Variants in CPNE4 observed in about 807,000 individuals in gnomAD.
CPNE4 encodes copine 4, also known as copine-4.
CPNE4 carries 25 observed loss-of-function variants against 67.9 expected under a neutral mutation model. The observed-to-expected ratio is 0.37, with a 90% CI of 0.27 to 0.51. The LOEUF is 0.51. CPNE4 is among the 20% of genes least tolerant of loss of function. The pLI, the probability that CPNE4 is intolerant of heterozygous loss-of-function variation, is 0.93. For missense variants in CPNE4, 464 were observed against 690.8 expected (o/e 0.67, Z 3.68); for synonymous variants, 242 against 244.9 (o/e 0.99, Z 0.11).
intron 7 of CPNE4, among the ~76,000 whole-genome samples, chr3:131,598,846 C>CCT (rs1939042923): frequency 7.1e-6 from 1 of 141,568 alleles, no homozygotes; most frequent in Non-Finnish European, 1.5e-5. Flanking sequence ...AAATTGTCCC[C>CCT]CCACCCCCCC....
intron 2 of CPNE4, among the ~76,000 whole-genome samples, chr3:131,816,026 T>C (rs2084725900): frequency 6.6e-6 from 1 of 152,206 alleles, no homozygotes. Flanking sequence ...TAGCTTGGCC[T>C]ATGTGCAGGG....
intron 7 of CPNE4, among the ~76,000 whole-genome samples, chr3:131,666,263 A>C (rs1274176489): frequency 6.6e-6 from 1 of 152,140 alleles, no homozygotes; most frequent in Non-Finnish European, 1.5e-5. Context: ...TATAATTATA[A>C]GGCAAAATTA....
intron 1 of CPNE4, among the ~76,000 whole-genome samples, chr3:132,002,741 C>A (rs1206886523): frequency 6.6e-6 from 1 of 152,084 alleles, no homozygotes; most frequent in Non-Finnish European, 1.5e-5. Flanking sequence ...TGAGTCAATT[C>A]TTTTAAGAGT....
At chr3:131,542,312 T>TACA (rs1284972353) in intron 15 of CPNE4, among the ~76,000 whole-genome samples, 1 of 152,140 alleles carries the variant, frequency 6.6e-6, no homozygotes, top group Non-Finnish European at 1.5e-5. Flanking sequence ...GCTCCTGATC[T>TACA]GTAACTCAAT....
chr3:131,734,594 A>G (rs983561131), intron 2 of CPNE4, among the ~76,000 whole-genome samples: 1 of 152,152 alleles, frequency 6.6e-6, no homozygotes, highest in Non-Finnish European at 1.5e-5. Flanking sequence ...AGATATTAAA[A>G]TGACACTCTC....
At chr3:131,555,002 G>C (rs568248184) in intron 12 of CPNE4, among the ~76,000 whole-genome samples, 1 of 152,180 alleles carries the variant, frequency 6.6e-6, no homozygotes, top group South Asian at 2.1e-4. Context: ...GTCTTCAGAA[G>C]AACATTTCAG....
In CPNE4 at chr3:131,820,207, C is replaced by G. The variant is rs147476995; in HGVS notation, c.180+85057G>C. Among the ~76,000 whole-genome samples the G allele has an allele frequency of 9.8e-4, 149 of 152,256 alleles. 1 individual carries two copies. Among genetic ancestry groups the G allele is most frequent in the Middle Eastern group, 6.8e-3 (2 of 294 alleles). ...ATTCAGGATATTTATTGAGGAATGC[C>G]CTTCGGACTAACATCTGTGGGAGGA... is the stretch of plus-strand genomic sequence containing the variant. On this transcript the variant is annotated intron_variant, in intron 2 of 15. Coordinates refer to ENST00000429747, the MANE Select transcript of CPNE4 (RefSeq NM_130808.3).
At chr3:131,778,179 C>T (rs931882982) in intron 2 of CPNE4, among the ~76,000 whole-genome samples, 2 of 152,096 alleles carry the variant, frequency 1.3e-5, no homozygotes, top group African/African-American at 4.8e-5. Flanking sequence ...ATTGGAACTC[C>T]TTGCATTGCC....
At chr3:131,638,247 C>T (rs1469832085) in intron 7 of CPNE4, among the ~76,000 whole-genome samples, 1 of 151,938 alleles carries the variant, frequency 6.6e-6, no homozygotes, top group Non-Finnish European at 1.5e-5. Flanking sequence ...ATACAGAATG[C>T]CGGAATGGAT....
chr3:131,909,610 GCAAC>G (rs2088901264), intron 1 of CPNE4, among the ~76,000 whole-genome samples: 1 of 151,960 alleles, frequency 6.6e-6, no homozygotes, highest in Non-Finnish European at 1.5e-5. Context: ...AATAATGTAG[GCAAC>G]CAAACACCAC....
rs188689850 is a variant in CPNE4 at position 131,894,415 on chromosome 3, T to A, written c.180+10849A>T. Among the ~76,000 whole-genome samples the A allele has an allele frequency of 4.7e-3, 710 of 152,018 alleles. 8 individuals are homozygous for A. Among genetic ancestry groups the A allele is most frequent in the Non-Finnish European group, 5.7e-3 (388 of 67,898 alleles). ...AAAGCTTTTGCACAGCAAAGGAAACTTTTAACAGAGTAAAGAGACAACTTA... is the reference window on the plus strand; with the variant it reads ...AAAGCTTTTGCACAGCAAAGGAAACATTTAACAGAGTAAAGAGACAACTTA... On this transcript the variant is annotated intron_variant, in intron 2 of 15. Transcript: ENST00000429747.
intron 1 of CPNE4, among the ~76,000 whole-genome samples, chr3:131,953,663 A>T (rs1200526999): frequency 6.6e-6 from 1 of 152,206 alleles, no homozygotes; most frequent in Non-Finnish European, 1.5e-5. Flanking sequence ...AGAATGACAA[A>T]TATCACATGT....
At chr3:131,560,007 A>G (rs771548607) in intron 11 of CPNE4, among the ~76,000 whole-genome samples, 3 of 152,138 alleles carry the variant, frequency 2.0e-5, no homozygotes, top group Admixed American at 1.3e-4. Flanking sequence ...TTTTAAAAGT[A>G]CATGAGCAAA....
chr3:131,618,071 G>T (rs1483577991), intron 7 of CPNE4, among the ~76,000 whole-genome samples: 1 of 152,144 alleles, frequency 6.6e-6, no homozygotes, highest in Non-Finnish European at 1.5e-5. Context: ...TGAGCTCAGG[G>T]TATGGGAGAC....
At chr3:131,776,472 T>G (rs1213090713) in intron 2 of CPNE4, among the ~76,000 whole-genome samples, 3 of 152,130 alleles carry the variant, frequency 2.0e-5, no homozygotes, top group Non-Finnish European at 4.4e-5. Flanking sequence ...GATGGCATCT[T>G]TGTTGAACAT....
chr3:131,974,840 T>C (rs60660910), intron 1 of CPNE4, among the ~76,000 whole-genome samples: 1 of 152,198 alleles, frequency 6.6e-6, no homozygotes, highest in South Asian at 2.1e-4. Context: ...AAACCCTGTC[T>C]CTACAAACAG....
chr3:131,955,376 C>A (rs949478074), intron 1 of CPNE4, among the ~76,000 whole-genome samples: 2 of 122,824 alleles, frequency 1.6e-5, no homozygotes, highest in Admixed American at 8.3e-5. Context: ...TTAAGTTGCA[C>A]GCAATGCTTT....
chr3:131,882,374 A>G (rs2087710204), intron 2 of CPNE4, among the ~76,000 whole-genome samples: 1 of 152,318 alleles, frequency 6.6e-6, no homozygotes, highest in African/African-American at 2.4e-5. Flanking sequence ...TGTTCATTGT[A>G]TGACTGAGGC....
Position 131,833,457 on chromosome 3 carries a change from G to A in CPNE4, c.180+71807C>T, listed in dbSNP as rs192167972. ...GCCTGTAATCCCAGAACTTTGGGAA[G>A]CCCAGGCAGGCGGATCACTTGAGCC... On this transcript the variant is annotated intron_variant, in intron 2 of 15. Coordinates refer to ENST00000429747, the MANE Select transcript of CPNE4 (RefSeq NM_130808.3). 1.2e-3 allele frequency among the ~76,000 whole-genome samples: 183 copies of A among 152,308 alleles called. 1 individual carries two copies. The highest frequency in any genetic ancestry group is 1.0e-3 in the Non-Finnish European group (68 of 68,026).
Sources: allele counts gnomAD v4.1 joint callset (sites outside exome capture counted in the v4.1 genomes callset), GRCh38; gene constraint gnomAD v4.1.1; transcripts MANE v1.5; gene names NCBI Gene and HGNC (gene_info 2026-07-23, HGNC 2026-07-21).